The following KREMEN1 variants were observed in gnomAD, a reference collection of about 807,000 sequenced individuals.
The protein encoded by KREMEN1 is kremen protein 1.
In KREMEN1, 30 loss-of-function variants were observed where a neutral mutation model predicts 46.5. The ratio of observed to expected loss-of-function variants is 0.65; its 90% CI spans 0.48 to 0.88. The LOEUF is 0.88. Ranked by LOEUF, KREMEN1 falls within the 40% of genes least tolerant of loss-of-function variation. The pLI is 0.00. For missense variants in KREMEN1, 533 were observed against 596.9 expected, an observed-to-expected ratio of 0.89 and a Z score of 1.11; for synonymous variants, 214 against 230.6, an observed-to-expected ratio of 0.93 and a Z score of 0.65.
chr22:29,106,723 G>A (rs1368225687), intron 3 of KREMEN1, among the ~76,000 whole-genome samples: 1 of 152,078 alleles, frequency 6.6e-6, no homozygotes, highest in African/African-American at 2.4e-5. Flanking sequence ...GAAAACAGGG[G>A]CTCTGGGATG....
In KREMEN1 at chr22:29,144,219, G is replaced by A; in HGVS notation, c.*2107G>A. On this transcript the variant is annotated 3_prime_UTR_variant, in exon 9 of 9. Transcript: ENST00000400335. ...CCAAGCCCTGAGCCACTGCCTGCTG[G>A]GGCTCCTACTGAGGTTCTGGAAACA... 1.0e-6 allele frequency: 1 copy of A among 985,564 alleles called. No homozygotes were observed. Among genetic ancestry groups the A allele is most frequent in the Non-Finnish European group, 1.2e-6 (1 of 830,034 alleles). 61.1% of individuals were successfully genotyped at this position (985,564 alleles called of 1,614,324 possible). A position where few individuals can be genotyped will look rare whatever the true frequency, so the allele number is the denominator to read the frequency against.
At chr22:29,140,197 CT>C in intron 7 of KREMEN1, 84 bp from the exon 8 acceptor site, 3 of 1,014,446 alleles carry the variant, frequency 3.0e-6, no homozygotes, top group Non-Finnish European at 4.7e-6. Context: ...CTCAGCCAGA[CT>C]TACTCACTTG....
At chr22:29,161,850 C>T (rs1263779115) in intron 9 of KREMEN1, among the ~76,000 whole-genome samples, 1 of 151,958 alleles carries the variant, frequency 6.6e-6, no homozygotes, top group South Asian at 2.1e-4. Flanking sequence ...CGGGTGGTGG[C>T]TCATGCTGTA....
chr22:29,100,094 CTTT>C (rs71196622), intron 3 of KREMEN1, among the ~76,000 whole-genome samples: 8 of 118,564 alleles, frequency 6.7e-5, no homozygotes, highest in Non-Finnish European at 1.0e-4. Context: ...CTTGACTAGT[CTTT>C]TTTTTTTTTT....
At chr22:29,097,948 G>A (rs960266582) in intron 2 of KREMEN1, among the ~76,000 whole-genome samples, 5 of 152,122 alleles carry the variant, frequency 3.3e-5, no homozygotes, top group Non-Finnish European at 5.9e-5. Flanking sequence ...TTGCGGGGCC[G>A]AGATGGGCAG....
chr22:29,164,481 A>G (rs1189182827), intron 9 of KREMEN1, among the ~76,000 whole-genome samples: 4 of 152,146 alleles, frequency 2.6e-5, no homozygotes, highest in Non-Finnish European at 5.9e-5. Flanking sequence ...ACTATCCAAA[A>G]ATTTACCAGC....
Position 29,142,531 on chromosome 22 carries a change from A to G in KREMEN1, c.*419A>G, listed in dbSNP as rs1376891977. The G allele has an allele frequency of 1.0e-6, 1 of 988,888 alleles. No homozygotes were observed. The highest frequency in any genetic ancestry group is 1.2e-6 in the Non-Finnish European group (1 of 832,374). The allele number at this position is 988,888 out of a possible 1,614,324, so 61.3% of individuals were successfully genotyped here. On this transcript the variant is annotated 3_prime_UTR_variant, in exon 9 of 9. Coordinates refer to ENST00000400335, the MANE Select transcript of KREMEN1 (RefSeq NM_001039570.3). Reference sequence around the variant, plus strand: ...TGCTTCTCTATTTTTGTCCACACACAAATCAGTTTCTCCTGATCTTTATGT... The same window carrying G: ...TGCTTCTCTATTTTTGTCCACACACGAATCAGTTTCTCCTGATCTTTATGT...
At chr22:29,118,607 C>T (rs187964651) in intron 3 of KREMEN1, among the ~76,000 whole-genome samples, 13 of 152,216 alleles carry the variant, frequency 8.5e-5, no homozygotes, top group Non-Finnish European at 1.9e-4. Context: ...GGGCTCTGGT[C>T]TCTTCCTCAT....
intron 3 of KREMEN1, among the ~76,000 whole-genome samples, chr22:29,104,944 A>G (rs2038032155): frequency 6.6e-6 from 1 of 152,232 alleles, no homozygotes. Flanking sequence ...TTTAGAAGTT[A>G]TTAGTTGTGT....
chr22:29,113,221 T>C (rs1237595065), intron 3 of KREMEN1, among the ~76,000 whole-genome samples: 1 of 152,212 alleles, frequency 6.6e-6, no homozygotes, highest in African/African-American at 2.4e-5. Context: ...GCCTTTAACC[T>C]TGTTAGACTG....
chr22:29,164,149 G>A (rs896822853), intron 9 of KREMEN1, among the ~76,000 whole-genome samples: 1 of 152,240 alleles, frequency 6.6e-6, no homozygotes, highest in African/African-American at 2.4e-5. Flanking sequence ...CAGTCCAGAT[G>A]TAAGAGATTT....
intron 3 of KREMEN1, among the ~76,000 whole-genome samples, chr22:29,103,668 T>C (rs2038008862): frequency 6.6e-6 from 1 of 152,220 alleles, no homozygotes; most frequent in Admixed American, 6.5e-5. Context: ...GGTTTGACTA[T>C]TGAGAGCTAT....
intron 3 of KREMEN1, among the ~76,000 whole-genome samples, chr22:29,110,542 G>C (rs759861027): frequency 5.9e-5 from 9 of 152,210 alleles, no homozygotes; most frequent in Non-Finnish European, 1.0e-4. Flanking sequence ...GGGAACTACT[G>C]CTGTGATAGA....
At chr22:29,118,644 G>T (rs568042326) in intron 3 of KREMEN1, among the ~76,000 whole-genome samples, 7 of 152,086 alleles carry the variant, frequency 4.6e-5, no homozygotes, top group Non-Finnish European at 8.8e-5. Flanking sequence ...CATCATGGGG[G>T]CTCAGCCATC....
At chr22:29,133,385 G>A (rs1429087787) in intron 5 of KREMEN1, among the ~76,000 whole-genome samples, 2 of 150,660 alleles carry the variant, frequency 1.3e-5, no homozygotes, top group African/African-American at 4.9e-5. Context: ...CTGCAGCCTC[G>A]ACCCCCCTGG....
chr22:29,156,557 GCACAGGAA>G (rs2038963792), intron 9 of KREMEN1, among the ~76,000 whole-genome samples: 2 of 1,406 alleles, frequency 1.4e-3, no homozygotes, highest in African/African-American at 3.5e-3. Context: ...AATGCTCTCC[GCACAGGAA>G]TGCTCTCCGC....
chr22:29,084,704 T>A (rs1414888217), intron 1 of KREMEN1, among the ~76,000 whole-genome samples: 1 of 152,248 alleles, frequency 6.6e-6, no homozygotes, highest in Non-Finnish European at 1.5e-5. Context: ...ATGGTTCTTC[T>A]GAATTCAAAC....
At chr22:29,140,538 T>C (rs1301385147) in intron 8 of KREMEN1, among the ~76,000 whole-genome samples, 172 bp downstream of exon 8, 2 of 152,242 alleles carry the variant, frequency 1.3e-5, no homozygotes, top group Non-Finnish European at 2.9e-5. Flanking sequence ...GAGTGAAATG[T>C]ACAACTGGAC....
chr22:29,081,782 C>T (rs962338063), intron 1 of KREMEN1, among the ~76,000 whole-genome samples: 1 of 152,204 alleles, frequency 6.6e-6, no homozygotes, highest in African/African-American at 2.4e-5. Flanking sequence ...CTCCTGTGTG[C>T]CCAGCATCTC....
Sources: allele counts gnomAD v4.1 joint callset (sites outside exome capture counted in the v4.1 genomes callset), GRCh38; gene constraint gnomAD v4.1.1; transcripts MANE v1.5; gene names NCBI Gene and HGNC (gene_info 2026-07-23, HGNC 2026-07-21).